Variants in HTR2C observed in about 807,000 individuals in gnomAD.
The protein encoded by HTR2C is 5-hydroxytryptamine (serotonin) receptor 2C, G protein-coupled.
HTR2C carries 5 observed loss-of-function variants against 21.0 expected under a neutral mutation model. The ratio of observed to expected loss-of-function variants is 0.24; its 90% CI spans 0.12 to 0.50. The LOEUF (loss-of-function observed/expected upper bound fraction) is 0.50. Among genes scored for constraint, HTR2C ranks in the 20% least tolerant of loss-of-function variants. HTR2C has a pLI of 0.98. For synonymous variants in HTR2C, 150 were observed against 145.3 expected, an observed-to-expected ratio of 1.03 and a Z score of -0.23; for missense variants, 271 against 371.2, an observed-to-expected ratio of 0.73 and a Z score of 2.22.
intron 4 of HTR2C, among the ~76,000 whole-genome samples, chrX:114,736,574 A>G (rs1311616870): frequency 8.9e-6 from 1 of 112,050 alleles, no homozygotes; most frequent in Non-Finnish European, 1.9e-5. Context: ...AAAACGGTGG[A>G]AGAATACATT....
chrX:114,765,757 T>A (rs782138524), intron 4 of HTR2C, among the ~76,000 whole-genome samples: 6 of 111,938 alleles, frequency 5.4e-5, no homozygotes, highest in Non-Finnish European at 1.1e-4. Context: ...AGTTATTGTG[T>A]ACTTATTAGT....
At chrX:114,737,457 T>C (rs2069602651) in intron 4 of HTR2C, among the ~76,000 whole-genome samples, 1 of 110,500 alleles carries the variant, frequency 9.0e-6, no homozygotes, top group Admixed American at 9.7e-5. Flanking sequence ...TGACCTCAAG[T>C]GATCCGCCCG....
intron 4 of HTR2C, among the ~76,000 whole-genome samples, chrX:114,829,575 CT>C (rs1556459891): frequency 9.0e-6 from 1 of 111,456 alleles, no homozygotes; most frequent in Non-Finnish European, 1.9e-5. Context: ...AGATTTACCC[CT>C]GTGTCCTTTT....
At chrX:114,707,236 C>T (rs1179263120) in intron 2 of HTR2C, among the ~76,000 whole-genome samples, 3 of 110,330 alleles carry the variant, frequency 2.7e-5, no homozygotes, top group Non-Finnish European at 5.7e-5. Context: ...AAAGGCATTT[C>T]TATTCAAAAT....
intron 2 of HTR2C, among the ~76,000 whole-genome samples, chrX:114,686,494 G>A (rs1931916857): frequency 9.0e-6 from 1 of 110,546 alleles, no homozygotes; most frequent in Non-Finnish European, 1.9e-5. Context: ...TTTCTGAGAG[G>A]GCCTTAGGTC....
chrX:114,783,859 A>G (rs2070144405), intron 4 of HTR2C, among the ~76,000 whole-genome samples: 1 of 111,725 alleles, frequency 9.0e-6, no homozygotes. Flanking sequence ...CATATTGAAA[A>G]TTAGAAAAAT....
chrX:114,856,929 AT>A (rs1463666159), intron 5 of HTR2C, among the ~76,000 whole-genome samples: 1 of 111,060 alleles, frequency 9.0e-6, no homozygotes, highest in Non-Finnish European at 1.9e-5. Context: ...AGCAAATAAC[AT>A]ATTAATATTT....
At chrX:114,696,405 C>T (rs782213745) in intron 2 of HTR2C, among the ~76,000 whole-genome samples, 2 of 110,510 alleles carry the variant, frequency 1.8e-5, no homozygotes, top group East Asian at 2.9e-4. Flanking sequence ...TCAAATTTAC[C>T]GAGAAACGAA....
rs949423144 is a variant in HTR2C, at chrX:114,869,862, T to C, written c.550+21659T>C. Among the ~76,000 whole-genome samples, 3 of 111,845 alleles carry C rather than the reference T, an allele frequency of 2.7e-5. No individual in the cohort carries two copies. The East Asian group carries it at 8.4e-4, about 31-fold the overall frequency. ...TTCTATCCCCAGTTTTTGAGGGTTT[T>C]TATCATGAAGTGATGCTGAATTTTA... On this transcript the variant is annotated intron_variant, in intron 5 of 5. Transcript: ENST00000276198.
intron 5 of HTR2C, among the ~76,000 whole-genome samples, chrX:114,885,240 A>T (rs2071211862): frequency 8.9e-6 from 1 of 111,893 alleles, no homozygotes; most frequent in South Asian, 3.6e-4. Flanking sequence ...GAACTATATA[A>T]TTGTATTTTT....
chrX:114,689,208 G>GTGTGTA (rs1556414750), intron 2 of HTR2C, among the ~76,000 whole-genome samples: 5 of 72,736 alleles, frequency 6.9e-5, no homozygotes, highest in African/African-American at 2.7e-4. Context: ...GTATGTATGC[G>GTGTGTA]TATATATATA....
At chrX:114,654,039 A>G (rs911312313) in intron 2 of HTR2C, among the ~76,000 whole-genome samples, 2 of 110,574 alleles carry the variant, frequency 1.8e-5, no homozygotes, top group Admixed American at 9.7e-5. Context: ...GCCTTTAGAT[A>G]TAATACGAGA....
intron 4 of HTR2C, among the ~76,000 whole-genome samples, chrX:114,798,761 G>T (rs888643772): frequency 4.5e-5 from 5 of 110,894 alleles, no homozygotes; most frequent in Non-Finnish European, 7.6e-5. Context: ...ATATGTTATT[G>T]CAGGTCATAG....
At position 114,693,612 on chromosome X, in the gene HTR2C, C is replaced by T. The variant is rs140483467; in HGVS notation, c.-79-33246C>T. On this transcript the variant is annotated intron_variant, in intron 2 of 5. Coordinates refer to ENST00000276198, the MANE Select transcript of HTR2C (RefSeq NM_000868.4). ...GTTGTTTTGCAGCATTTCTGACATT[C>T]ACCCACTAGATGCCAGTAGCCACAA... Among the ~76,000 whole-genome samples, 769 of 111,407 alleles carry T rather than the reference C, an allele frequency of 6.9e-3. 7 individuals carry two copies. Among genetic ancestry groups the T allele is most frequent in the African/African-American group, 0.023 (717 of 30,682 alleles).
At chrX:114,605,082 C>G (rs1427932717) in intron 1 of HTR2C, among the ~76,000 whole-genome samples, 6 of 110,260 alleles carry the variant, frequency 5.4e-5, no homozygotes, top group African/African-American at 2.0e-4. Context: ...TGCTGCCAAA[C>G]AAGTCATGAA....
intron 2 of HTR2C, among the ~76,000 whole-genome samples, chrX:114,656,918 A>G (rs1165229389): frequency 1.8e-5 from 2 of 111,254 alleles, no homozygotes; most frequent in African/African-American, 6.5e-5. Flanking sequence ...AAAAATATTA[A>G]ATATGCTTGC....
chrX:114,853,424 A>G (rs1395667903), intron 5 of HTR2C, among the ~76,000 whole-genome samples: 2 of 111,617 alleles, frequency 1.8e-5, no homozygotes, highest in Admixed American at 9.6e-5. Flanking sequence ...AGTAATGGCA[A>G]CAAATTCTTT....
intron 2 of HTR2C, among the ~76,000 whole-genome samples, chrX:114,723,313 G>T (rs781819583): frequency 9.0e-6 from 1 of 111,433 alleles, no homozygotes; most frequent in East Asian, 2.8e-4. Flanking sequence ...AGAGGTGTTT[G>T]TAGTATTCTC....
intron 2 of HTR2C, among the ~76,000 whole-genome samples, chrX:114,684,073 A>T (rs1427707035): frequency 1.8e-5 from 2 of 112,137 alleles, no homozygotes; most frequent in African/African-American, 6.5e-5. Context: ...ATTCTATTTT[A>T]ATAACATAAG....
Sources: gnomAD v4.1 joint callset for allele counts (sites outside exome capture counted in the v4.1 genomes callset) on GRCh38, gnomAD v4.1.1 for gene constraint, MANE v1.5 for transcripts, NCBI Gene and HGNC (gene_info 2026-07-23, HGNC 2026-07-21) for gene names.